HECTD2: variants seen among roughly 807,000 people sequenced by gnomAD.
The protein encoded by HECTD2 is probable E3 ubiquitin-protein ligase HECTD2.
In HECTD2, 35 loss-of-function variants were observed where a neutral mutation model predicts 103.2. The ratio of observed to expected loss-of-function variants is 0.34; its 90% CI spans 0.26 to 0.45. The LOEUF (loss-of-function observed/expected upper bound fraction) is 0.45, where lower values mean the gene tolerates loss of function less well. Ranked by LOEUF, HECTD2 falls within the 20% of genes least tolerant of loss-of-function variation. HECTD2 has a pLI of 1.00. For synonymous variants in HECTD2, 281 were observed against 329.9 expected (o/e 0.85, Z 1.61); for missense variants, 596 against 937.4 (o/e 0.64, Z 4.76).
chr10:91,495,065 A>C (rs1340227870), intron 14 of HECTD2, among the ~76,000 whole-genome samples: 1 of 152,012 alleles, frequency 6.6e-6, no homozygotes, highest in South Asian at 2.1e-4. Flanking sequence ...AAATCTAAAA[A>C]TTATAATTGC....
chr10:91,424,440 A>G (rs1487146630), intron 1 of HECTD2, among the ~76,000 whole-genome samples: 1 of 137,448 alleles, frequency 7.3e-6, no homozygotes, highest in Admixed American at 6.6e-5. Flanking sequence ...TTTAGAATTT[A>G]AAAGTGGATG....
chr10:91,491,833 GATTT>G (rs574734527), intron 12 of HECTD2, among the ~76,000 whole-genome samples: 2 of 152,044 alleles, frequency 1.3e-5, no homozygotes, highest in Non-Finnish European at 2.9e-5. Flanking sequence ...TCCGCTATGT[GATTT>G]ATTTATTTAT....
intron 1 of HECTD2, among the ~76,000 whole-genome samples, chr10:91,422,994 C>T (rs530315620): frequency 1.3e-5 from 2 of 152,248 alleles, no homozygotes; most frequent in East Asian, 3.9e-4. Context: ...CCCTAAAGTA[C>T]ACTTAGTTGT....
At chr10:91,425,511 T>C (rs753110657) in intron 2 of HECTD2, 101 bp downstream of exon 2, 77 of 834,052 alleles carry the variant, frequency 9.2e-5, no homozygotes, top group Non-Finnish European at 1.2e-4. Flanking sequence ...GTCTAGTTAA[T>C]ACAACAAAAA....
At chr10:91,458,402 A>G (rs1380970912) in intron 2 of HECTD2, among the ~76,000 whole-genome samples, 1 of 151,978 alleles carries the variant, frequency 6.6e-6, no homozygotes, top group Non-Finnish European at 1.5e-5. Flanking sequence ...AAATTCCTGT[A>G]TGTTTTTTGT....
At chr10:91,437,619 C>CTTTTTTTTTTTTTTTTTTTGTTGTT (rs1844179173) in intron 2 of HECTD2, among the ~76,000 whole-genome samples, 2 of 87,422 alleles carry the variant, frequency 2.3e-5, no homozygotes, top group African/African-American at 3.3e-5. Context: ...GATGGTTGTT[C>CTTTTTTTTTTTTTTTTTTTGTTGTT]TTTTTTTTTT....
At chr10:91,498,231 G>GATT in intron 16 of HECTD2, 49 bp downstream of exon 16, 3 of 1,252,134 alleles carry the variant, frequency 2.4e-6, no homozygotes, top group Non-Finnish European at 3.5e-6. Flanking sequence ...TTTCATATAT[G>GATT]AACAGTGCAA....
chr10:91,468,954 AAAAC>A (rs1845628423), intron 5 of HECTD2, among the ~76,000 whole-genome samples: 3 of 151,736 alleles, frequency 2.0e-5, no homozygotes, highest in Non-Finnish European at 4.4e-5. Context: ...AAAAAAAAAA[AAAAC>A]AAGAGTACAG....
At chr10:91,424,065 G>A (rs1329367014) in intron 1 of HECTD2, among the ~76,000 whole-genome samples, 1 of 152,104 alleles carries the variant, frequency 6.6e-6, no homozygotes, top group Non-Finnish European at 1.5e-5. Flanking sequence ...ACATTGGTCA[G>A]GATTGGCTCT....
intron 2 of HECTD2, among the ~76,000 whole-genome samples, chr10:91,445,458 G>GAAAA (rs1844561257): frequency 6.6e-6 from 1 of 152,126 alleles, no homozygotes; most frequent in Non-Finnish European, 1.5e-5. Flanking sequence ...AATAAGTAAT[G>GAAAA]AAAAAGCAGT....
Position 91,455,492 on chromosome 10 carries a change from A to T in HECTD2, c.269-4935A>T, listed in dbSNP as rs778565141. On this transcript the variant is annotated intron_variant, in intron 2 of 20. Coordinates refer to ENST00000298068, the MANE Select transcript of HECTD2 (RefSeq NM_182765.6). ...TATGAGCCATTTGTCAGATGAGTAGATTGCAAAAATGTTCTCCCATTCTGT... is the reference window on the plus strand; with the variant it reads ...TATGAGCCATTTGTCAGATGAGTAGTTTGCAAAAATGTTCTCCCATTCTGT... 1.6e-4 allele frequency among the ~76,000 whole-genome samples: 24 copies of T among 152,080 alleles called. 1 individual carries two copies. Among genetic ancestry groups the T allele is most frequent in the Non-Finnish European group, 3.2e-4 (22 of 68,010 alleles).
chr10:91,498,987 T>C (rs759226453), intron 17 of HECTD2, 28 bp downstream of exon 17: 3 of 1,555,862 alleles, frequency 1.9e-6, no homozygotes, highest in South Asian at 2.3e-5. Context: ...TTAATTAAAA[T>C]GAATTAGTAT....
At position 91,496,377 on chromosome 10, in the gene HECTD2, G is replaced by A; in HGVS notation, c.1680+5G>A. 6.3e-7 allele frequency: 1 copy of A among 1,595,858 alleles called. No homozygotes were observed. The highest frequency in any genetic ancestry group is 2.3e-5 in the East Asian group (1 of 44,368). On this transcript the variant is annotated splice_donor_5th_base_variant and intron_variant, in intron 15 of 20. Transcript: ENST00000298068. ...GACTTATGTCAAATTATGCCTGTAA[G>A]TATAAAGTTATTAATATCTTGTCCT...
chr10:91,420,323 C>G (rs1225182938), intron 1 of HECTD2, among the ~76,000 whole-genome samples: 3 of 149,740 alleles, frequency 2.0e-5, no homozygotes, highest in Non-Finnish European at 4.4e-5. Context: ...CAGTGGCTCA[C>G]ATTTGTAATC....
At chr10:91,460,918 A>T (rs1308988775) in intron 3 of HECTD2, among the ~76,000 whole-genome samples, 1 of 152,176 alleles carries the variant, frequency 6.6e-6, no homozygotes, top group African/African-American at 2.4e-5. Flanking sequence ...CCATTCAAAA[A>T]ATCCAGATGC....
intron 12 of HECTD2, 54 bp downstream of exon 12, chr10:91,491,361 TTA>T: frequency 1.2e-6 from 1 of 828,624 alleles, no homozygotes; most frequent in Admixed American, 2.6e-5. Context: ...TATAATATGA[TTA>T]TTATAAAAAT....
intron 2 of HECTD2, among the ~76,000 whole-genome samples, chr10:91,436,802 G>T (rs1440352216): frequency 6.6e-6 from 1 of 151,954 alleles, no homozygotes; most frequent in African/African-American, 2.4e-5. Flanking sequence ...CCTTATTGGG[G>T]CTTGGTATTT....
intron 1 of HECTD2, among the ~76,000 whole-genome samples, chr10:91,413,618 C>T (rs921273750): frequency 1.3e-5 from 2 of 152,208 alleles, no homozygotes; most frequent in African/African-American, 4.8e-5. Context: ...ACTCTATATA[C>T]TGAATCAAAA....
chr10:91,477,661 A>G (rs1204466049), intron 5 of HECTD2, among the ~76,000 whole-genome samples: 1 of 152,224 alleles, frequency 6.6e-6, no homozygotes, highest in Non-Finnish European at 1.5e-5. Flanking sequence ...ATATATGTGT[A>G]TTGGCATTTG....
Sources: gnomAD v4.1 joint callset for allele counts (sites outside exome capture counted in the v4.1 genomes callset) on GRCh38, gnomAD v4.1.1 for gene constraint, MANE v1.5 for transcripts, NCBI Gene and HGNC (gene_info 2026-07-23, HGNC 2026-07-21) for gene names.